MYO15B: variants seen among roughly 807,000 people sequenced by gnomAD.
MYO15B encodes myosin XVB, also known as myosin XVB pseudogene.
In MYO15B, 207 loss-of-function variants were observed where a neutral mutation model predicts 119.3. The ratio of observed to expected loss-of-function variants is 1.73; its 90% CI spans 1.55 to 1.95. The LOEUF (loss-of-function observed/expected upper bound fraction) is 1.95. MYO15B is among the 30% of genes most tolerant of loss of function. The pLI is 0.00. For synonymous variants in MYO15B, 966 were observed against 498.9 expected, an observed-to-expected ratio of 1.94 and a Z score of -12.48; for missense variants, 2,264 against 1,203.1, an observed-to-expected ratio of 1.88 and a Z score of -13.04.
intron 14 of MYO15B, chr17:75,600,611 G>GCTTTTTTTTT (rs2057210177): frequency 4.4e-5 from 6 of 135,774 alleles, no homozygotes; most frequent in South Asian, 2.3e-4. Flanking sequence ...TTGAGACGGA[G>GCTTTTTTTTT]TTTGGTTCTT....
At chr17:75,607,606 C>T (rs1035159549) in intron 21 of MYO15B, among the ~76,000 whole-genome samples, 12 of 151,748 alleles carry the variant, frequency 7.9e-5, no homozygotes, top group African/African-American at 1.7e-4. Context: ...ACCCACCACC[C>T]GCCACCACGC....
chr17:75,608,569 A>C (rs932846308), intron 21 of MYO15B, among the ~76,000 whole-genome samples: 1 of 151,458 alleles, frequency 6.6e-6, no homozygotes, highest in South Asian at 2.1e-4. Flanking sequence ...TGAACCTGGG[A>C]GGCGGAGATT....
At chr17:75,612,174 C>T (rs916567026) in intron 25 of MYO15B, among the ~76,000 whole-genome samples, 158 bp downstream of exon 25, 12 of 152,126 alleles carry the variant, frequency 7.9e-5, no homozygotes, top group East Asian at 3.8e-4. Context: ...TGAAAATAAC[C>T]GTTGAATGTA....
In MYO15B at chr17:75,589,317, A is replaced by G. The variant is rs1450039001; in HGVS notation, c.1260A>G (p.Gly420=). 2 of 367,878 alleles carry G rather than the reference A, an allele frequency of 5.4e-6. No individual in the cohort carries two copies. Among genetic ancestry groups the G allele is most frequent in the East Asian group, 3.7e-5 (1 of 26,858 alleles). The allele number at this position is 367,878 out of a possible 1,614,324, so 22.8% of individuals were successfully genotyped here. A position where few individuals can be genotyped will look rare whatever the true frequency, so the allele number is the denominator to read the frequency against. ...ACGAGGGGCGGGGTCATGGGAGAGG[A>G]AGCAAGGGGCGGGGCCGCGGGAAAG... is the stretch of plus-strand genomic sequence containing the variant. Residue 420 remains glycine (G), a synonymous_variant, in exon 1 of 64, where the codon GGA becomes GGG. Coordinates refer to ENST00000645453, the Ensembl canonical transcript of MYO15B. The surrounding 1 kb of genome is among the most constrained non-coding windows in gnomAD (Gnocchi z 4.2).
chr17:75,619,966 C>T, exon 47 of MYO15B: 1 of 702,806 alleles, frequency 1.4e-6, no homozygotes, highest in Non-Finnish European at 2.6e-6. Context: ...TGCACACAGC[C>T]CGGGCAAGGG....
At chr17:75,590,171 C>T (rs1343917871) in exon 1 of MYO15B, 1 of 398,956 alleles carries the variant, frequency 2.5e-6, no homozygotes, top group Non-Finnish European at 4.4e-6. Context: ...CTGGAGGCGC[C>T]ACCCTTCCCC....
At chr17:75,596,498 C>A (rs780209468) in exon 13 of MYO15B, 24 of 702,946 alleles carry the variant, frequency 3.4e-5, no homozygotes, top group Non-Finnish European at 6.2e-5. Flanking sequence ...TGTGCAACAA[C>A]CTCGCCAGCG....
At chr17:75,594,089 C>CAAA (rs5822095) in intron 9 of MYO15B, among the ~76,000 whole-genome samples, 39 of 107,216 alleles carry the variant, frequency 3.6e-4, no homozygotes, top group African/African-American at 5.3e-4. Context: ...GACCCTGTCT[C>CAAA]AAAAAAAAAA....
exon 15 of MYO15B, chr17:75,601,522 G>A (rs763252097): frequency 8.5e-6 from 6 of 703,022 alleles, no homozygotes; most frequent in Middle Eastern, 2.3e-4. Context: ...GCCCCTGCCC[G>A]TGTTCACCGT....
At chr17:75,620,425 A>G in intron 48 of MYO15B, 42 bp from the exon 49 acceptor site, 1 of 702,648 alleles carries the variant, frequency 1.4e-6, no homozygotes, top group Non-Finnish European at 2.6e-6. Context: ...GCCCGGGGGC[A>G]GAGGGTCCAG....
chr17:75,605,457 A>G (rs1341566220), intron 19 of MYO15B, 47 bp from the exon 20 acceptor site: 2 of 651,462 alleles, frequency 3.1e-6, no homozygotes, highest in Admixed American at 2.6e-5. Flanking sequence ...AAAAAAGTGT[A>G]AAAGGAGGTT....
rs894320096 is a variant in MYO15B at position 75,618,943 on chromosome 17, A to C, written c.6988-200A>C. 6.7e-6 allele frequency: 4 copies of C among 596,764 alleles called. No homozygotes were observed. The African/African-American group carries it at 7.4e-5, about 11-fold the overall frequency. 37.0% of individuals were successfully genotyped at this position (596,764 alleles called of 1,614,324 possible). A position where few individuals can be genotyped will look rare whatever the true frequency, so the allele number is the denominator to read the frequency against. On this transcript the variant is annotated intron_variant, in intron 43 of 63. Transcript: ENST00000645453. ...GGCTGGCAGTTGCAGGGGAGGGGAC[A>C]GGTGAGACGTGTGAATGGAGGTGGC...
At chr17:75,626,051 C>T (rs1044906603) in intron 62 of MYO15B, 37 bp from the exon 63 acceptor site, 6 of 699,058 alleles carry the variant, frequency 8.6e-6, no homozygotes, top group East Asian at 2.7e-5. Context: ...GACCCCTCCC[C>T]GGAGAGGAGA....
At position 75,626,527 on chromosome 17, in the gene MYO15B, G is replaced by A. The variant is rs73995933; in HGVS notation, c.*43G>A. On this transcript the variant is annotated 3_prime_UTR_variant, in exon 64 of 64. Transcript: ENST00000645453. ...GAGAGAAGAGGATGAGGCCTCCCCCGGCCCAAGTCTCACCCACATGGTCTG... is the reference window on the plus strand; with the variant it reads ...GAGAGAAGAGGATGAGGCCTCCCCCAGCCCAAGTCTCACCCACATGGTCTG... 3.2e-3 allele frequency: 2,259 copies of A among 702,744 alleles called. 32 individuals carry two copies. In the African/African-American group the frequency reaches 0.033, roughly 10 times the overall value. The allele number at this position is 702,744 out of a possible 1,614,324, so 43.5% of individuals were successfully genotyped here.
At chr17:75,599,279 ATT>A (rs60489681) in intron 14 of MYO15B, among the ~76,000 whole-genome samples, 8 of 140,774 alleles carry the variant, frequency 5.7e-5, no homozygotes, top group Non-Finnish European at 7.8e-5. Flanking sequence ...TTTGAAAGTG[ATT>A]TTTTTTTTTT....
intron 45 of MYO15B, 21 bp downstream of exon 45, chr17:75,619,497 G>A: frequency 1.4e-6 from 1 of 699,394 alleles, no homozygotes; most frequent in Non-Finnish European, 2.6e-6. Flanking sequence ...CTGGGGTAGG[G>A]AGTAGGGATG....
intron 33 of MYO15B, 86 bp from the exon 34 acceptor site, chr17:75,615,154 C>T (rs2058289163): frequency 4.4e-6 from 3 of 678,666 alleles, no homozygotes; most frequent in Non-Finnish European, 8.1e-6. Context: ...CACCCCGGTG[C>T]CCGATGCTCT....
Position 75,612,120 on chromosome 17 carries a change from C to G in MYO15B, c.4635+104C>G, listed in dbSNP as rs2058066745. On this transcript the variant is annotated intron_variant, in intron 25 of 63. Transcript: ENST00000645453. ...TTCCCCGCTGTCAGCTCTTGCCCTC[C>G]TTCCTCCCCAGCCTTTGGGGCTGTG... 20 of 653,906 alleles carry G rather than the reference C, an allele frequency of 3.1e-5. 1 individual carries two copies. In the South Asian group the frequency reaches 3.4e-4, roughly 11 times the overall value. 40.5% of individuals were successfully genotyped at this position (653,906 alleles called of 1,614,324 possible).
exon 3 of MYO15B, chr17:75,590,939 C>T (rs924350630): frequency 7.5e-6 from 4 of 536,684 alleles, no homozygotes; most frequent in Admixed American, 3.2e-5. Flanking sequence ...TTGTTCTGAA[C>T]CCCCACCGGT....
Sources: allele counts gnomAD v4.1 joint callset (sites outside exome capture counted in the v4.1 genomes callset), GRCh38; gene constraint gnomAD v4.1.1; non-coding constraint Gnocchi (gnomAD v3.1); transcripts MANE v1.5; gene names NCBI Gene and HGNC (gene_info 2026-07-23, HGNC 2026-07-21).